The following NXN variants were observed in gnomAD, a reference collection of about 807,000 sequenced individuals.
The protein encoded by NXN is nucleoredoxin 1.
In NXN, 16 loss-of-function variants were observed where a neutral mutation model predicts 48.6. The observed-to-expected ratio is 0.33, with a 90% CI of 0.22 to 0.50. NXN has a LOEUF of 0.50. NXN is among the 20% of genes least tolerant of loss of function. The pLI is 0.98. For synonymous variants in NXN, 281 were observed against 269.6 expected, an observed-to-expected ratio of 1.04 and a Z score of -0.41; for missense variants, 492 against 605.5, an observed-to-expected ratio of 0.81 and a Z score of 1.97.
intron 1 of NXN, among the ~76,000 whole-genome samples, chr17:864,711 A>G (rs1187760987): frequency 6.6e-6 from 1 of 152,138 alleles, no homozygotes; most frequent in Non-Finnish European, 1.5e-5. Context: ...TCATGACCCC[A>G]CTGCTCACTC....
intron 1 of NXN, among the ~76,000 whole-genome samples, chr17:868,717 T>A: frequency 6.6e-6 from 1 of 152,070 alleles, no homozygotes; most frequent in South Asian, 2.1e-4. Context: ...TGGTCTCGAT[T>A]TCCTGACCTC....
intron 1 of NXN, among the ~76,000 whole-genome samples, chr17:908,716 C>A (rs551891129): frequency 4.5e-4 from 69 of 152,232 alleles, no homozygotes; most frequent in African/African-American, 1.6e-3. Context: ...GTCTTCAGAC[C>A]AAAAATTCAA....
rs2068724380 is a variant in NXN, at chr17:919,569, C to A, written c.360+59750G>T. ...AGTCAAACGGCTTTCTACAGCACCT[C>A]CTCGTATCGTGGGTTACAGAACCTA... On this transcript the variant is annotated intron_variant, in intron 1 of 7. Coordinates refer to ENST00000336868, the MANE Select transcript of NXN (RefSeq NM_022463.5). The surrounding 1 kb of genome is among the most constrained non-coding windows in gnomAD (Gnocchi z 5.1). 6.6e-6 allele frequency among the ~76,000 whole-genome samples: 1 copy of A among 152,104 alleles called. No homozygotes were observed. Among genetic ancestry groups the A allele is most frequent in the African/African-American group, 2.4e-5 (1 of 41,392 alleles).
intron 1 of NXN, among the ~76,000 whole-genome samples, chr17:969,828 CA>C (rs1204859715): frequency 6.6e-6 from 1 of 151,978 alleles, no homozygotes; most frequent in Non-Finnish European, 1.5e-5. Context: ...CCCAGGAAAA[CA>C]AAGAGAAAGC....
chr17:972,194 C>T (rs1032030657), intron 1 of NXN, among the ~76,000 whole-genome samples: 1 of 152,060 alleles, frequency 6.6e-6, no homozygotes. Context: ...CCCAGCTACT[C>T]GGGAGGCTGA....
rs533603744 is a variant in NXN at position 956,515 on chromosome 17, G to A, written c.360+22804C>T. Among the ~76,000 whole-genome samples the A allele has an allele frequency of 6.6e-5, 10 of 152,216 alleles. No individual in the cohort carries two copies. In the South Asian group the frequency reaches 1.5e-3, roughly 22 times the overall value. On this transcript the variant is annotated intron_variant, in intron 1 of 7. Coordinates refer to ENST00000336868, the MANE Select transcript of NXN (RefSeq NM_022463.5). The surrounding 1 kb of genome is among the most constrained non-coding windows in gnomAD (Gnocchi z 4.1). ...TGCAACCTCCACCTCCCGGGTTCCCGCCATTCTCCTGCCTCAGCCTCCCAA... is the reference window on the plus strand; with the variant it reads ...TGCAACCTCCACCTCCCGGGTTCCCACCATTCTCCTGCCTCAGCCTCCCAA...
chr17:851,847 T>C (rs1432108414), intron 1 of NXN, among the ~76,000 whole-genome samples: 2 of 152,216 alleles, frequency 1.3e-5, no homozygotes, highest in African/African-American at 4.8e-5. Flanking sequence ...TTACAAGTGA[T>C]CTGTCTCGCG....
intron 1 of NXN, among the ~76,000 whole-genome samples, chr17:841,765 G>A (rs910427897): frequency 3.9e-5 from 6 of 152,144 alleles, no homozygotes; most frequent in Non-Finnish European, 4.4e-5. Flanking sequence ...TCCAGCAGTG[G>A]CTCTGGGTGC....
At chr17:915,209 C>T (rs1038921168) in intron 1 of NXN, among the ~76,000 whole-genome samples, 11 of 152,212 alleles carry the variant, frequency 7.2e-5, no homozygotes, top group African/African-American at 2.7e-4. Context: ...GCTGGGATTA[C>T]AGGCGTGAGC....
chr17:943,435 C>A (rs896471665), intron 1 of NXN, among the ~76,000 whole-genome samples: 4 of 152,142 alleles, frequency 2.6e-5, no homozygotes, highest in African/African-American at 7.2e-5. Context: ...CACGTCTGTT[C>A]CCCACGTGCC....
chr17:828,401 G>GA (rs1913253634), intron 1 of NXN, among the ~76,000 whole-genome samples: 2 of 111,638 alleles, frequency 1.8e-5, no homozygotes, highest in African/African-American at 8.4e-5. Context: ...ACCGTGCCTG[G>GA]CCTTTTTTTT....
intron 1 of NXN, among the ~76,000 whole-genome samples, chr17:848,366 C>T (rs941008454): frequency 6.6e-6 from 1 of 152,160 alleles, no homozygotes; most frequent in Admixed American, 6.5e-5. Flanking sequence ...GGCTCAAACT[C>T]CTGACCTCAG....
chr17:896,612 T>C (rs2068489147), intron 1 of NXN, among the ~76,000 whole-genome samples: 1 of 152,248 alleles, frequency 6.6e-6, no homozygotes, highest in Non-Finnish European at 1.5e-5. Context: ...TCTTCGTGTT[T>C]CAACTTCGCT....
chr17:853,717 ATATATATT>A (rs2067950780), intron 1 of NXN, among the ~76,000 whole-genome samples: 1 of 92,634 alleles, frequency 1.1e-5, no homozygotes, highest in East Asian at 2.3e-4. Context: ...ATATATATAT[ATATATATT>A]TTTTTTTTTT....
intron 1 of NXN, among the ~76,000 whole-genome samples, chr17:899,247 C>T (rs941732189): frequency 1.3e-5 from 2 of 152,104 alleles, no homozygotes; most frequent in Non-Finnish European, 2.9e-5. Flanking sequence ...CGTGAGCCAC[C>T]GCACCCCGGC....
chr17:945,067 G>A (rs1255218250), intron 1 of NXN, among the ~76,000 whole-genome samples: 5 of 152,044 alleles, frequency 3.3e-5, no homozygotes, highest in Non-Finnish European at 7.4e-5. Flanking sequence ...GAGGATGGTG[G>A]GCAGCAAGTA....
intron 1 of NXN, among the ~76,000 whole-genome samples, chr17:831,573 C>T (rs1913476452): frequency 6.6e-6 from 1 of 152,014 alleles, no homozygotes; most frequent in South Asian, 2.1e-4. Context: ...AACCTCCCCT[C>T]ATTGCAACCT....
intron 1 of NXN, among the ~76,000 whole-genome samples, chr17:851,967 A>T (rs1187304769): frequency 6.6e-6 from 1 of 152,182 alleles, no homozygotes; most frequent in Non-Finnish European, 1.5e-5. Flanking sequence ...CTAACCAGAG[A>T]CTTGAAATGG....
intron 1 of NXN, among the ~76,000 whole-genome samples, chr17:950,955 A>C (rs1397627343): frequency 6.6e-6 from 1 of 152,100 alleles, no homozygotes; most frequent in African/African-American, 2.4e-5. Flanking sequence ...GACTTTCTGG[A>C]AGTCTAACTA....
Sources: allele counts gnomAD v4.1 joint callset (sites outside exome capture counted in the v4.1 genomes callset), GRCh38; gene constraint gnomAD v4.1.1; non-coding constraint Gnocchi (gnomAD v3.1); transcripts MANE v1.5; gene names NCBI Gene and HGNC (gene_info 2026-07-23, HGNC 2026-07-21).